Variants in HCK observed in about 807,000 individuals in gnomAD.
HCK encodes HCK proto-oncogene, Src family tyrosine kinase, also known as tyrosine-protein kinase HCK.
In HCK, 40 loss-of-function variants were observed where a neutral mutation model predicts 70.4. That is an observed-to-expected ratio of 0.57 (90% CI 0.44 to 0.74). The LOEUF (loss-of-function observed/expected upper bound fraction) is 0.74, where lower values mean the gene tolerates loss of function less well. HCK is among the 30% of genes least tolerant of loss of function. The pLI is 0.00. For synonymous variants in HCK, 245 were observed against 263.2 expected (o/e 0.93, Z 0.67); for missense variants, 568 against 697.2 (o/e 0.81, Z 2.09).
chr20:32,087,638 T>TAA (rs201935506), intron 9 of HCK, among the ~76,000 whole-genome samples: 1 of 150,284 alleles, frequency 6.7e-6, no homozygotes, highest in African/African-American at 2.5e-5. Flanking sequence ...AGCTAATTTC[T>TAA]AAAAAAATTT....
At chr20:32,101,214 G>A (rs930960481) in intron 12 of HCK, 103 bp from the exon 13 acceptor site, 64 of 936,976 alleles carry the variant, frequency 6.8e-5, no homozygotes, top group Non-Finnish European at 9.6e-5. Context: ...AGCTTGCAAG[G>A]TGAGGTGGGG....
chr20:32,088,653 C>G lies in HCK; in HGVS notation c.1092+9C>G, dbSNP rs1037971062. 6 of 1,609,040 alleles carry G rather than the reference C, an allele frequency of 3.7e-6. No individual in the cohort carries two copies. Among genetic ancestry groups the G allele is most frequent in the Non-Finnish European group, 4.3e-6 (5 of 1,176,308 alleles). On this transcript the variant is annotated intron_variant, in intron 10 of 12. Coordinates refer to ENST00000375852, the MANE Select transcript of HCK (RefSeq NM_002110.5). ...TTGACTTCTCAGCCCAGGTGAGAGC[C>G]TAACGAGGAAACGGGGAAGGGAAAC...
chr20:32,058,614 A>AC (rs1555873972), intron 1 of HCK, among the ~76,000 whole-genome samples: 3 of 150,340 alleles, frequency 2.0e-5, no homozygotes, highest in Admixed American at 1.3e-4. Flanking sequence ...AAACACACAC[A>AC]CACACACACA....
At chr20:32,053,445 C>G (rs2045212637) in intron 1 of HCK, among the ~76,000 whole-genome samples, 1 of 151,696 alleles carries the variant, frequency 6.6e-6, no homozygotes, top group South Asian at 2.1e-4. Context: ...TGAGACCAGC[C>G]TGGCCAACAT....
intron 1 of HCK, among the ~76,000 whole-genome samples, chr20:32,065,997 T>G (rs890640090): frequency 6.6e-6 from 1 of 152,154 alleles, no homozygotes; most frequent in African/African-American, 2.4e-5. Flanking sequence ...GGGACTGAGA[T>G]TCTGCATTTC....
At chr20:32,100,219 T>C (rs2046015321) in intron 12 of HCK, among the ~76,000 whole-genome samples, 1 of 152,152 alleles carries the variant, frequency 6.6e-6, no homozygotes, top group Non-Finnish European at 1.5e-5. Context: ...ATTCTTTAAA[T>C]TTTTTGAGAG....
At chr20:32,082,338 T>G (rs1188514810) in intron 6 of HCK, among the ~76,000 whole-genome samples, 4 of 152,114 alleles carry the variant, frequency 2.6e-5, no homozygotes, top group Non-Finnish European at 5.9e-5. Flanking sequence ...GGTAAGCTAT[T>G]ATTCATTCAA....
chr20:32,084,690 C>A, intron 8 of HCK, 147 bp downstream of exon 8: 1 of 758,628 alleles, frequency 1.3e-6, no homozygotes, highest in East Asian at 2.7e-5. Context: ...AAGCAGTTCC[C>A]TGATAGCAAA....
At chr20:32,053,578 C>T (rs1046744633) in intron 1 of HCK, among the ~76,000 whole-genome samples, 38 of 128,448 alleles carry the variant, frequency 3.0e-4, no homozygotes, top group African/African-American at 1.1e-3. Flanking sequence ...GTGGAGGTTG[C>T]GGTGAGCCGA....
intron 8 of HCK, 25 bp downstream of exon 8, chr20:32,084,568 C>T: frequency 6.2e-7 from 1 of 1,604,466 alleles, no homozygotes; most frequent in Non-Finnish European, 8.5e-7. Context: ...CCACAGCCCA[C>T]AGGGCCAGAG....
chr20:32,099,004 G>T lies in HCK; in HGVS notation c.1247G>T (p.Gly416Val). 1 of 1,614,016 alleles carries T rather than the reference G, an allele frequency of 6.2e-7. No homozygotes were observed. The stretch of plus-strand genomic sequence containing the variant: ...GACTCTGCTCTGTTCAACCCTGCAG[G>T]GGCCAAGTTCCCCATCAAGTGGACA... The change falls in exon 12 of 13, where the codon GGG (glycine) becomes GTG (valine). Residue 416 changes from glycine to valine, a missense_variant and splice_region_variant. By Grantham distance (109) the Gly-to-Val change is moderately radical. This residue lies in a region of HCK where 160 missense variants were observed against 237.5 expected (regional missense o/e 0.67). Coordinates refer to ENST00000375852, the MANE Select transcript of HCK (RefSeq NM_002110.5).
intron 1 of HCK, among the ~76,000 whole-genome samples, chr20:32,068,295 T>A (rs766537093): frequency 2.1e-5 from 3 of 141,032 alleles, no homozygotes; most frequent in Non-Finnish European, 4.7e-5. Context: ...CAAAACTCCA[T>A]CTCAAAAAAA....
intron 8 of HCK, among the ~76,000 whole-genome samples, chr20:32,085,063 G>A (rs1173896056): frequency 6.6e-6 from 1 of 152,244 alleles, no homozygotes; most frequent in Non-Finnish European, 1.5e-5. Flanking sequence ...TGGGGTAGAT[G>A]CAGTGCCAGC....
intron 1 of HCK, among the ~76,000 whole-genome samples, chr20:32,059,139 A>G (rs1481294172): frequency 1.3e-5 from 2 of 152,232 alleles, no homozygotes; most frequent in South Asian, 2.1e-4. Context: ...CTCTGCTTCA[A>G]CATACATGTG....
At chr20:32,065,260 G>A (rs2045438955) in intron 1 of HCK, among the ~76,000 whole-genome samples, 1 of 152,180 alleles carries the variant, frequency 6.6e-6, no homozygotes, top group African/African-American at 2.4e-5. Context: ...AGAATTGTTA[G>A]AACTACAGAT....
intron 5 of HCK, among the ~76,000 whole-genome samples, chr20:32,079,309 C>T (rs2045675084): frequency 6.6e-6 from 1 of 152,166 alleles, no homozygotes; most frequent in Admixed American, 6.5e-5. Context: ...TCACAGGCTT[C>T]CAAGGTCCCA....
chr20:32,054,518 A>G (rs1385548198), intron 1 of HCK, among the ~76,000 whole-genome samples: 1 of 121,684 alleles, frequency 8.2e-6, no homozygotes, highest in African/African-American at 3.3e-5. Context: ...AAAAAAAAAA[A>G]AAAAAAGCCC....
chr20:32,065,216 A>T (rs1193725107), intron 1 of HCK, among the ~76,000 whole-genome samples: 1 of 152,190 alleles, frequency 6.6e-6, no homozygotes, highest in Non-Finnish European at 1.5e-5. Context: ...ACATTGGTGG[A>T]TCTCAAATTT....
chr20:32,082,793 T>C (rs6121335), intron 6 of HCK, among the ~76,000 whole-genome samples: 22,476 of 152,128 alleles, frequency 0.15, 2,204 homozygotes, highest in African/African-American at 0.27. Context: ...GAAAGACTTA[T>C]GTGTTTCTGC....
Sources: gnomAD v4.1 joint callset for allele counts (sites outside exome capture counted in the v4.1 genomes callset) on GRCh38, gnomAD v4.1.1 for gene constraint, gnomAD v4.1.1 regional missense constraint, MANE v1.5 for transcripts, NCBI Gene and HGNC (gene_info 2026-07-23, HGNC 2026-07-21) for gene names.